Variants in RGS12 observed in about 807,000 individuals in gnomAD.
The protein encoded by RGS12 is regulator of G protein signaling 12, also known as regulator of G-protein signaling 12.
RGS12 carries 66 observed loss-of-function variants against 120.1 expected under a neutral mutation model. The observed-to-expected ratio is 0.55, with a 90% CI of 0.45 to 0.67. RGS12 has a LOEUF of 0.67. RGS12 is among the 30% of genes least tolerant of loss of function. RGS12 has a pLI of 0.00. For missense variants in RGS12, 1,859 were observed against 1,957.7 expected (o/e 0.95, Z 0.95); for synonymous variants, 827 against 804.7 (o/e 1.03, Z -0.47).
chr4:3,427,315 G>A (rs1723762582), intron 14 of RGS12, among the ~76,000 whole-genome samples: 1 of 152,208 alleles, frequency 6.6e-6, no homozygotes, highest in African/African-American at 2.4e-5. Context: ...CAGCGTTTTT[G>A]TAGGGCTGTA....
Position 3,430,814 on chromosome 4 carries a change from G to A in RGS12, c.3973G>A (p.Glu1325Lys). 6.2e-7 allele frequency: 1 copy of A among 1,612,006 alleles called. No homozygotes were observed. The highest frequency in any genetic ancestry group is 1.1e-5 in the South Asian group (1 of 90,922). The change falls in exon 17 of 18, where the codon GAG becomes AAG. Residue 1325 changes from glutamate (E) to lysine (K), a missense_variant. This residue lies in a region of RGS12 where 517 missense variants were observed against 488.5 expected (regional missense o/e 1.06). Transcript: ENST00000336727. ...CTGGAAGAGGCAGTCTCAGGAAGTGGAGGCCGGGGGCATCCAGACGGTGGA... is the reference window on the plus strand; with the variant it reads ...CTGGAAGAGGCAGTCTCAGGAAGTGAAGGCCGGGGGCATCCAGACGGTGGA... Reference protein sequence around the residue: ...QIWKRQSQEVEAGGIQTVEDE... With the variant: ...QIWKRQSQEVKAGGIQTVEDE...
At chr4:3,289,205 CACAATTTTTTTTTTTGGAG>C (rs1480831292), upstream of RGS12, among the ~76,000 whole-genome samples, 1 of 152,118 alleles carries the variant, frequency 6.6e-6, no homozygotes, top group Non-Finnish European at 1.5e-5. Context: ...ACTTAACCAT[CACAATTTTTTTTTTTGGAG>C]ACAGGATCTC....
rs1438561837 is a variant in RGS12, at chr4:3,299,950, TC to T, written c.-102+6852del. 2.0e-5 allele frequency among the ~76,000 whole-genome samples: 3 copies of T among 152,216 alleles called. No homozygotes were observed. In the East Asian group the frequency reaches 5.8e-4, roughly 29 times the overall value. On this transcript the variant is annotated intron_variant, in intron 1 of 17. Coordinates refer to ENST00000336727, the MANE Select transcript of RGS12 (RefSeq NM_001394154.1). ...GCTCACTGAGGGTGGGAGGAAAGGC[TC>T]AGCCTGGCCTGTGGCTGCTGTTCCG...
At chr4:3,373,164 C>T (rs551403905) in intron 3 of RGS12, among the ~76,000 whole-genome samples, 3 of 152,264 alleles carry the variant, frequency 2.0e-5, no homozygotes, top group South Asian at 2.1e-4. Context: ...CACGAGGGGG[C>T]GGTGGCTGCT....
chr4:3,410,185 G>A (rs1159621927), intron 4 of RGS12, among the ~76,000 whole-genome samples: 1 of 152,236 alleles, frequency 6.6e-6, no homozygotes, highest in African/African-American at 2.4e-5. Flanking sequence ...AGCAAGGTTA[G>A]CAACACTGCT....
intron 2 of RGS12, among the ~76,000 whole-genome samples, chr4:3,332,042 C>T (rs1257203278): frequency 6.6e-6 from 1 of 152,192 alleles, no homozygotes; most frequent in Admixed American, 6.5e-5. Context: ...AAGCCCCCAC[C>T]GTCCTGGAAT....
chr4:3,301,048 C>T (rs111310764), intron 1 of RGS12, among the ~76,000 whole-genome samples: 1 of 152,100 alleles, frequency 6.6e-6, no homozygotes, highest in Non-Finnish European at 1.5e-5. Context: ...CTCTGTAACA[C>T]GGGGTCTGTC....
chr4:3,439,675 C>G lies in RGS12; in HGVS notation c.4335C>G (p.Thr1445=). The change falls in exon 18 of 18, where the codon ACC becomes ACG. Residue 1445 remains threonine, a synonymous_variant. Transcript: ENST00000336727. ...CCAAGACCAGCGCTCACCACGCCAC[C>G]TTCGTCTGAGCTGCCCTGGCCTGGC... ...AKPKTSAHHA[T]FV The G allele has an allele frequency of 6.5e-7, 1 of 1,530,076 alleles. No homozygotes were observed. The highest frequency in any genetic ancestry group is 2.3e-5 in the East Asian group (1 of 42,660). The allele number at this position is 1,530,076 out of a possible 1,614,324, so 94.8% of individuals were successfully genotyped here. A position where few individuals can be genotyped will look rare whatever the true frequency, so the allele number is the denominator to read the frequency against.
At chr4:3,356,838 T>C (rs1714939968) in intron 3 of RGS12, among the ~76,000 whole-genome samples, 1 of 152,216 alleles carries the variant, frequency 6.6e-6, no homozygotes, top group Admixed American at 6.5e-5. Context: ...CTATTGTGAA[T>C]AACACTGCTA....
rs542138319 is a variant in RGS12, at chr4:3,362,431, TGTGCAAGGGTGTGTGTGTGAGG to T, written c.1998+19383_1998+19404del. 2.9e-3 allele frequency among the ~76,000 whole-genome samples: 411 copies of T among 144,084 alleles called. 2 individuals carry two copies. Among genetic ancestry groups the T allele is most frequent in the Non-Finnish European group, 5.1e-3 (338 of 65,760 alleles). 94.5% of individuals were successfully genotyped at this position (144,084 alleles called of 152,430 possible). A position where few individuals can be genotyped will look rare whatever the true frequency, so the allele number is the denominator to read the frequency against. On this transcript the variant is annotated intron_variant, in intron 3 of 17. Transcript: ENST00000336727. ...AGGGTGTATCTGTGAGGGTATGTGT[TGTGCAAGGGTGTGTGTGTGAGG>T]GTGCGAGGGTGTGTGTGAGGGTGTG... is the stretch of plus-strand genomic sequence containing the variant.
At chr4:3,353,040 G>A (rs1470853854) in intron 3 of RGS12, among the ~76,000 whole-genome samples, 1 of 152,164 alleles carries the variant, frequency 6.6e-6, no homozygotes, top group African/African-American at 2.4e-5. Context: ...GTTCTGTCTC[G>A]CACCCTCCAG....
Position 3,406,554 on chromosome 4 carries a change from T to C in RGS12, c.2021-7518T>C, listed in dbSNP as rs62274929. On this transcript the variant is annotated intron_variant, in intron 4 of 17. Coordinates refer to ENST00000336727, the MANE Select transcript of RGS12 (RefSeq NM_001394154.1). ...GTGTCAGTGGGATGGCCATGCCCAT[T>C]CCTGCAGTTGCTGTCGGGGGCCGCT... Among the ~76,000 whole-genome samples the C allele has an allele frequency of 3.4e-3, 524 of 152,312 alleles. 1 individual carries two copies. The highest frequency in any genetic ancestry group is 5.9e-3 in the Non-Finnish European group (404 of 68,028).
intron 12 of RGS12, among the ~76,000 whole-genome samples, chr4:3,423,296 T>C (rs1723238219): frequency 6.6e-6 from 1 of 152,222 alleles, no homozygotes; most frequent in South Asian, 2.1e-4. Context: ...CAGGCTGCTG[T>C]GCAGGACACT....
At chr4:3,391,012 C>G (rs949736681) in intron 4 of RGS12, among the ~76,000 whole-genome samples, 3 of 152,160 alleles carry the variant, frequency 2.0e-5, no homozygotes, top group Non-Finnish European at 4.4e-5. Context: ...TTACATTTTC[C>G]TCATCAGAAA....
At chr4:3,304,975 A>T (rs1723895731) in intron 1 of RGS12, among the ~76,000 whole-genome samples, 1 of 152,198 alleles carries the variant, frequency 6.6e-6, no homozygotes, top group African/African-American at 2.4e-5. Context: ...TGCGATGAGG[A>T]TTCGTTTCCA....
At chr4:3,428,252 C>G in intron 15 of RGS12, 83 bp downstream of exon 15, 1 of 1,242,148 alleles carries the variant, frequency 8.1e-7, no homozygotes, top group Non-Finnish European at 1.2e-6. Flanking sequence ...CTGGTGCTTC[C>G]TTACCGCCTG....
chr4:3,439,406 G>A (rs983194347), intron 17 of RGS12, 49 bp from the exon 18 acceptor site: 3 of 1,599,916 alleles, frequency 1.9e-6, no homozygotes, highest in African/African-American at 2.7e-5. Context: ...GGTTCCGGGG[G>A]CCCAGGGCCG....
At chr4:3,362,289 A>G (rs1426855588) in intron 3 of RGS12, among the ~76,000 whole-genome samples, 6 of 152,062 alleles carry the variant, frequency 3.9e-5, no homozygotes, top group Non-Finnish European at 7.4e-5. Context: ...TGAGGGGCAC[A>G]TTTTCCCTTA....
rs1340750858 is a variant in RGS12 at position 3,422,485 on chromosome 4, C to T, written c.2948C>T (p.Ser983Phe). Residue 983 changes from serine (S) to phenylalanine (F), a missense_variant, in exon 11 of 18, where the codon TCC (serine) becomes TTC (phenylalanine). Ser to Phe is a radical substitution (Grantham distance 155). This residue lies in a region of RGS12 where 375 missense variants were observed against 475.0 expected (regional missense o/e 0.79). Transcript: ENST00000336727. ...SCVVAVKAGF[S>F]IKDILSGLCE... ...GTGGTGGCTGTCAAGGCGGGCTTCT[C>T]CATCAAAGACATCCTGTCCGGACTC... 6.2e-7 allele frequency: 1 copy of T among 1,612,952 alleles called. No homozygotes were observed. The highest frequency in any genetic ancestry group is 8.5e-7 in the Non-Finnish European group (1 of 1,179,990).
Sources: allele counts gnomAD v4.1 joint callset (sites outside exome capture counted in the v4.1 genomes callset), GRCh38; gene constraint gnomAD v4.1.1; regional missense constraint gnomAD v4.1.1; transcripts MANE v1.5; gene names NCBI Gene and HGNC (gene_info 2026-07-23, HGNC 2026-07-21).